Variants in HERC3 observed in about 807,000 individuals in gnomAD.
HERC3 encodes the protein probable E3 ubiquitin-protein ligase HERC3.
Under a neutral mutation model 129.9 loss-of-function variants are expected in HERC3, and 58 were observed. The observed-to-expected ratio is 0.45, with a 90% CI of 0.36 to 0.56. HERC3 has a LOEUF of 0.56. HERC3 is among the 20% of genes least tolerant of loss of function. The pLI is 0.00. For missense variants in HERC3, 835 were observed against 1,244.2 expected, an observed-to-expected ratio of 0.67 and a Z score of 4.95; for synonymous variants, 430 against 451.0, an observed-to-expected ratio of 0.95 and a Z score of 0.59.
chr4:88,669,804 C>T (rs999511945), intron 14 of HERC3, 56 bp from the exon 15 acceptor site: 3 of 1,459,338 alleles, frequency 2.1e-6, no homozygotes, highest in Non-Finnish European at 2.9e-6. Context: ...AGGCAGAAGA[C>T]ATAAATACTT....
intron 3 of HERC3, among the ~76,000 whole-genome samples, chr4:88,621,422 G>T (rs940658987): frequency 2.6e-5 from 4 of 151,910 alleles, no homozygotes; most frequent in Non-Finnish European, 4.4e-5. Context: ...AGTATTTTTT[G>T]GATAAATGAA....
chr4:88,539,305 G>A, the HERC3 span, among the ~76,000 whole-genome samples: 1 of 152,284 alleles, frequency 6.6e-6, no homozygotes, highest in East Asian at 1.9e-4. Context: ...TGCCCACAGA[G>A]CCTTGCTCAC....
intron 2 of HERC3, among the ~76,000 whole-genome samples, chr4:88,603,742 A>C (rs1233975199): frequency 1.3e-5 from 2 of 152,202 alleles, no homozygotes; most frequent in African/African-American, 2.4e-5. Flanking sequence ...GCATTAGATA[A>C]AGCTTCCCCT....
chr4:88,685,615 G>T (rs572380294), intron 21 of HERC3, among the ~76,000 whole-genome samples: 1 of 152,098 alleles, frequency 6.6e-6, no homozygotes, highest in African/African-American at 2.4e-5. Context: ...AGGTGGGAAC[G>T]GGAGGGAGAG....
the HERC3 span, among the ~76,000 whole-genome samples, chr4:88,552,141 G>C: frequency 6.6e-6 from 1 of 151,092 alleles, no homozygotes; most frequent in Non-Finnish European, 1.5e-5. Flanking sequence ...TTGTGGGGTG[G>C]GGGGAGGCGG....
intron 10 of HERC3, among the ~76,000 whole-genome samples, chr4:88,659,587 T>G (rs1730281155): frequency 6.6e-6 from 1 of 152,200 alleles, no homozygotes; most frequent in South Asian, 2.1e-4. Flanking sequence ...AGACTTATTT[T>G]AGACCCAGCC....
chr4:88,615,745 T>C (rs1236110855), intron 3 of HERC3, among the ~76,000 whole-genome samples: 1 of 152,198 alleles, frequency 6.6e-6, no homozygotes, highest in African/African-American at 2.4e-5. Context: ...TGGCTTATAG[T>C]AAACACTCAA....
At chr4:88,548,540 A>G in the HERC3 span, among the ~76,000 whole-genome samples, 1 of 151,798 alleles carries the variant, frequency 6.6e-6, no homozygotes, top group African/African-American at 2.4e-5. Flanking sequence ...ACGTTTTTCA[A>G]TTGGGTTGTC....
At chr4:88,649,743 A>T in intron 3 of HERC3, 97 bp from the exon 4 acceptor site, 1 of 1,009,120 alleles carries the variant, frequency 9.9e-7, no homozygotes, top group East Asian at 2.5e-5. Context: ...GGTTCTTGTT[A>T]AAAAATAAAA....
chr4:88,693,800 T>A, intron 23 of HERC3: 1 of 458,162 alleles, frequency 2.2e-6, no homozygotes, highest in Non-Finnish European at 2.9e-6. Flanking sequence ...GTTGAGTGTG[T>A]ATTGCATGCT....
At chr4:88,565,777 T>A in the HERC3 span, among the ~76,000 whole-genome samples, 1 of 152,156 alleles carries the variant, frequency 6.6e-6, no homozygotes, top group Non-Finnish European at 1.5e-5. Flanking sequence ...TAATAAAGAT[T>A]TGCCCAGGCA....
intron 23 of HERC3, among the ~76,000 whole-genome samples, chr4:88,688,745 C>T (rs1733745030): frequency 6.6e-6 from 1 of 152,064 alleles, no homozygotes; most frequent in South Asian, 2.1e-4. Flanking sequence ...GTTATGTGAG[C>T]CTCAATCACT....
intron 3 of HERC3, among the ~76,000 whole-genome samples, chr4:88,616,089 G>A (rs1229141335): frequency 2.6e-5 from 4 of 152,206 alleles, no homozygotes; most frequent in East Asian, 3.8e-4. Flanking sequence ...TTCAGCTGAG[G>A]AAGATGTTAT....
intron 11 of HERC3, among the ~76,000 whole-genome samples, chr4:88,663,713 A>G (rs1331526068): frequency 6.6e-6 from 1 of 152,152 alleles, no homozygotes; most frequent in Non-Finnish European, 1.5e-5. Flanking sequence ...CTATTTTTTA[A>G]TTTATGTCTC....
chr4:88,704,069 TA>T, intron 23 of HERC3, 28 bp from the exon 24 acceptor site: 3 of 1,600,960 alleles, frequency 1.9e-6, no homozygotes, highest in Non-Finnish European at 2.6e-6. Context: ...GACTTTGAGC[TA>T]AATGTATTTT....
At chr4:88,697,959 A>T (rs1734841274) in intron 23 of HERC3, 2 of 661,484 alleles carry the variant, frequency 3.0e-6, no homozygotes, top group Non-Finnish European at 5.1e-6. Flanking sequence ...ACTGCACCAG[A>T]TTCCTCCTGT....
intron 19 of HERC3, among the ~76,000 whole-genome samples, chr4:88,679,009 C>G (rs1316092573): frequency 6.6e-6 from 1 of 152,202 alleles, no homozygotes; most frequent in East Asian, 1.9e-4. Flanking sequence ...GTCCCAGTCT[C>G]TGTCCCATTT....
At chr4:88,629,444 G>T (rs1435131398) in intron 3 of HERC3, among the ~76,000 whole-genome samples, 5 of 152,030 alleles carry the variant, frequency 3.3e-5, no homozygotes, top group African/African-American at 1.2e-4. Context: ...TATTCATACT[G>T]ATCTGTATCA....
At chr4:88,600,015 C>T (rs775928578) in intron 2 of HERC3, among the ~76,000 whole-genome samples, 5 of 152,098 alleles carry the variant, frequency 3.3e-5, no homozygotes, top group African/African-American at 7.2e-5. Flanking sequence ...GTTAGTTTCA[C>T]TTTCTTCATC....
Sources: gnomAD v4.1 joint callset for allele counts (sites outside exome capture counted in the v4.1 genomes callset) on GRCh38, gnomAD v4.1.1 for gene constraint, MANE v1.5 for transcripts, NCBI Gene and HGNC (gene_info 2026-07-23, HGNC 2026-07-21) for gene names.